The following VPS13D variants were observed in gnomAD, a reference collection of about 807,000 sequenced individuals.
The protein encoded by VPS13D is vacuolar protein sorting 13 homolog D.
A neutral mutation model predicts 461.9 loss-of-function variants in VPS13D; 187 were observed. That is an observed-to-expected ratio of 0.40 (90% confidence interval 0.36 to 0.46). The LOEUF (loss-of-function observed/expected upper bound fraction) is 0.46, where lower values mean the gene tolerates loss of function less well. VPS13D is among the 20% of genes least tolerant of loss of function. The probability of loss-of-function intolerance (pLI) is 0.60; values close to 1 mark genes in which losing one functional copy is unlikely to be tolerated. For synonymous variants in VPS13D, 1,951 were observed against 1,986.3 expected (o/e 0.98, Z 0.47); for missense variants, 4,711 against 5,364.9 (o/e 0.88, Z 3.81).
At position 12,400,214 on chromosome 1, in the gene VPS13D, T is replaced by G. The variant is rs1295844456; in HGVS notation, c.11668T>G (p.Phe3890Val). 6.2e-7 allele frequency: 1 copy of G among 1,614,164 alleles called. No homozygotes were observed. Residue 3890 changes from phenylalanine to valine, a missense_variant, in exon 61 of 70, where the codon TTC becomes GTC. Phe to Val is a conservative substitution (Grantham distance 50). Transcript: ENST00000620676. ...TCAGCTCATTGGTACCACGCAGCCCTTCATGCTCTATGTGACTCCCCTGAG... is the reference window on the plus strand; with the variant it reads ...TCAGCTCATTGGTACCACGCAGCCCGTCATGCTCTATGTGACTCCCCTGAG... ...DNQLIGTTQP[F>V]MLYVTPLSNE...
chr1:12,364,334 T>C (rs1643998764), intron 52 of VPS13D, among the ~76,000 whole-genome samples: 1 of 152,192 alleles, frequency 6.6e-6, no homozygotes, highest in Non-Finnish European at 1.5e-5. Context: ...TGTGACTGGC[T>C]TATTTCACTT....
chr1:12,429,593 A>T (rs1324639541), intron 65 of VPS13D, among the ~76,000 whole-genome samples: 1 of 152,246 alleles, frequency 6.6e-6, no homozygotes, highest in African/African-American at 2.4e-5. Context: ...CACTTAGCCC[A>T]TACAAACTTT....
In VPS13D at chr1:12,279,358, T is replaced by C. The variant is rs149572957; in HGVS notation, c.4451-141T>C. On this transcript the variant is annotated intron_variant, in intron 19 of 69. Coordinates refer to ENST00000620676, the MANE Select transcript of VPS13D (RefSeq NM_015378.4). The surrounding 1 kb of genome is among the most constrained non-coding windows in gnomAD (Gnocchi z 4.3). ...AGCTGTCAAGGTTTGCTCTCAATCA[T>C]AGACCCCGGGTGCCAGGCTAACCTG... 304 of 895,640 alleles carry C rather than the reference T, an allele frequency of 3.4e-4. 3 individuals are homozygous for C. The East Asian group carries it at 8.3e-3, about 25-fold the overall frequency. The allele number at this position is 895,640 out of a possible 1,614,324, so 55.5% of individuals were successfully genotyped here.
intron 27 of VPS13D, among the ~76,000 whole-genome samples, chr1:12,309,007 TTAAGA>T (rs1234102292): frequency 1.3e-5 from 2 of 152,160 alleles, no homozygotes; most frequent in Non-Finnish European, 2.9e-5. Flanking sequence ...ATCAGTGCTA[TTAAGA>T]TAAGTTTGGA....
chr1:12,303,229 C>T (rs1263760489), intron 25 of VPS13D, among the ~76,000 whole-genome samples: 1 of 152,182 alleles, frequency 6.6e-6, no homozygotes, highest in Non-Finnish European at 1.5e-5. Flanking sequence ...AGTTCCAGGA[C>T]TCCTGTGTGT....
chr1:12,427,063 A>G (rs1455352759), intron 65 of VPS13D, among the ~76,000 whole-genome samples: 2 of 152,140 alleles, frequency 1.3e-5, no homozygotes, highest in East Asian at 3.9e-4. Context: ...GAACTGAACT[A>G]TGGTTTGCTT....
At chr1:12,382,799 A>G (rs1644300545) in intron 57 of VPS13D, among the ~76,000 whole-genome samples, 177 bp from the exon 58 acceptor site, 1 of 152,238 alleles carries the variant, frequency 6.6e-6, no homozygotes, top group Non-Finnish European at 1.5e-5. Flanking sequence ...TACTGAAGTA[A>G]TTCTCCTGTT....
At chr1:12,312,044 A>ACCTCC in intron 29 of VPS13D, 119 bp downstream of exon 29, 1 of 805,838 alleles carries the variant, frequency 1.2e-6, no homozygotes, top group Non-Finnish European at 2.0e-6. Flanking sequence ...TGTTGTCTGC[A>ACCTCC]GAGTGTCTTT....
At chr1:12,249,431 A>G (rs1016216814) in intron 6 of VPS13D, 92 bp downstream of exon 6, 4 of 978,772 alleles carry the variant, frequency 4.1e-6, no homozygotes, top group Admixed American at 4.9e-5. Flanking sequence ...ATGTAAATGA[A>G]TCACATTCTT....
intron 50 of VPS13D, among the ~76,000 whole-genome samples, chr1:12,361,878 A>G (rs1643955901): frequency 6.6e-6 from 1 of 152,166 alleles, no homozygotes; most frequent in African/African-American, 2.4e-5. Flanking sequence ...TTATTTTTTG[A>G]GACGGAGTCT....
At chr1:12,478,759 C>G in intron 67 of VPS13D, 1 of 456,004 alleles carries the variant, frequency 2.2e-6, no homozygotes, top group Non-Finnish European at 4.4e-6. Context: ...AAACGGGACA[C>G]CTTAGTGCTT....
rs896659774 is a variant in VPS13D at position 12,268,766 on chromosome 1, A to C, written c.1862A>C (p.His621Pro). 8.1e-6 allele frequency: 13 copies of C among 1,614,026 alleles called. No individual in the cohort carries two copies. The highest frequency in any genetic ancestry group is 1.1e-5 in the Non-Finnish European group (13 of 1,180,016). The change falls in exon 16 of 70, where the codon CAC becomes CCC. Residue 621 changes from histidine (H) to proline (P), a missense_variant. Coordinates refer to ENST00000620676, the MANE Select transcript of VPS13D (RefSeq NM_015378.4). ...TATGAGAGAAATCCGGCGCACAGCC[A>C]CTTTGAGAGGCGGCTCAATGTCAGC... The part of the protein sequence containing the change: ...MLYERNPAHS[H>P]FERRLNVSTR...
chr1:12,451,148 A>G (rs1039898093), intron 65 of VPS13D, among the ~76,000 whole-genome samples: 1 of 152,188 alleles, frequency 6.6e-6, no homozygotes, highest in Non-Finnish European at 1.5e-5. Context: ...CCCTTGCCCC[A>G]TTCCAGTGTC....
rs564949846 is a variant in VPS13D, at chr1:12,310,811, C to T, written c.6651-643C>T. 1.0e-3 allele frequency among the ~76,000 whole-genome samples: 143 copies of T among 136,318 alleles called. 1 individual carries two copies. The highest frequency in any genetic ancestry group is 1.5e-3 in the Non-Finnish European group (97 of 63,052). The allele number at this position is 136,318 out of a possible 152,430, so 89.4% of individuals were successfully genotyped here. ...TCCTTCCTTCCCTCCCTCCCTCCCT[C>T]CCTCCCTCCTTCCCTCCTTCCTTCC... is the stretch of plus-strand genomic sequence containing the variant. On this transcript the variant is annotated intron_variant, in intron 27 of 69. Coordinates refer to ENST00000620676, the MANE Select transcript of VPS13D (RefSeq NM_015378.4).
Position 12,283,235 on chromosome 1 carries a change from CT to C in VPS13D, c.5134del (p.Ser1712GlnfsTer49). 6.2e-7 allele frequency: 1 copy of C among 1,614,156 alleles called. No homozygotes were observed. Among genetic ancestry groups the C allele is most frequent in the Non-Finnish European group, 8.5e-7 (1 of 1,180,022 alleles). On this transcript the variant is annotated frameshift_variant, in exon 21 of 70. Coordinates refer to ENST00000620676, the MANE Select transcript of VPS13D (RefSeq NM_015378.4). LOFTEE classifies it high-confidence loss of function. Reference protein sequence around the residue: ...QKEYLSQSCPSVSNVEYPDMP... With the variant: ...QKEYLSQSCPXVSNVEYPDMP... ...AAGAATACCTTTCTCAGTCTTGCCCCTCAGTGTCCAATGTGGAATATCCTGA... is the reference window on the plus strand; with the variant it reads ...AAGAATACCTTTCTCAGTCTTGCCCCCAGTGTCCAATGTGGAATATCCTGA...
intron 47 of VPS13D, 47 bp downstream of exon 47, chr1:12,354,268 T>C (rs201002317): frequency 1.4e-5 from 22 of 1,598,396 alleles, no homozygotes; most frequent in Non-Finnish European, 1.8e-5. Flanking sequence ...TATGAAAATA[T>C]CAATGAGTAT....
chr1:12,338,292 G>C lies in VPS13D; in HGVS notation c.8613G>C (p.Gln2871His), dbSNP rs748602185. Residue 2871 changes from glutamine (Q) to histidine (H), a missense_variant, in exon 40 of 70, where the codon CAG (glutamine) becomes CAC (histidine). By Grantham distance (24) the Gln-to-His change is conservative. Coordinates refer to ENST00000620676, the MANE Select transcript of VPS13D (RefSeq NM_015378.4). ...STASLTNLEH[Q>H]IYARAEVKTP... Reference sequence around the variant, plus strand: ...CCAGTCTGACTAACCTAGAGCACCAGATCTATGCTAGAGGTACAGTATAGC... The same window carrying C: ...CCAGTCTGACTAACCTAGAGCACCACATCTATGCTAGAGGTACAGTATAGC... 1.2e-6 allele frequency: 2 copies of C among 1,613,586 alleles called. No homozygotes were observed. The highest frequency in any genetic ancestry group is 1.7e-5 in the Admixed American group (1 of 60,020).
At position 12,308,520 on chromosome 1, in the gene VPS13D, A is replaced by G. The variant is rs752327037; in HGVS notation, c.6529A>G (p.Lys2177Glu). 1 of 1,614,168 alleles carries G rather than the reference A, an allele frequency of 6.2e-7. No homozygotes were observed. ...AGAGAGACATCCGAGAGAATACTCG[A>G]AGGCACCAGAGGATAGTAGTGGAGA... ...AAERHPREYS[K>E]APEDSSGDLI... Residue 2177 changes from lysine (K) to glutamate (E), a missense_variant, in exon 27 of 70, where the codon AAG becomes GAG. Physicochemically the swap from Lys to Glu is moderately conservative, Grantham distance 56 (BLOSUM62 1). Coordinates refer to ENST00000620676, the MANE Select transcript of VPS13D (RefSeq NM_015378.4).
At chr1:12,262,335 A>G in intron 13 of VPS13D, among the ~76,000 whole-genome samples, 1 of 152,238 alleles carries the variant, frequency 6.6e-6, no homozygotes, top group Non-Finnish European at 1.5e-5. Context: ...TTTAATATAG[A>G]TATACAGACA....
Sources: allele counts gnomAD v4.1 joint callset (sites outside exome capture counted in the v4.1 genomes callset), GRCh38; gene constraint gnomAD v4.1.1; non-coding constraint Gnocchi (gnomAD v3.1); transcripts MANE v1.5; gene names NCBI Gene and HGNC (gene_info 2026-07-23, HGNC 2026-07-21).